Variants in ALPK2 observed in about 807,000 individuals in gnomAD.
The protein encoded by ALPK2 is alpha-protein kinase 2.
ALPK2 carries 127 observed loss-of-function variants against 163.1 expected under a neutral mutation model. The observed-to-expected ratio is 0.78, with a 90% CI of 0.67 to 0.90. ALPK2 has a LOEUF of 0.90. Among genes scored for constraint, ALPK2 ranks in the 40% least tolerant of loss-of-function variants. The probability of loss-of-function intolerance (pLI) is 0.00; values close to 1 mark genes in which losing one functional copy is unlikely to be tolerated. For synonymous variants in ALPK2, 953 were observed against 959.1 expected (o/e 0.99, Z 0.12); for missense variants, 2,360 against 2,589.6 (o/e 0.91, Z 1.92).
chr18:58,504,835 T>C (rs7240913), intron 10 of ALPK2, among the ~76,000 whole-genome samples: 76,573 of 151,692 alleles, frequency 0.5, 20,299 homozygotes, highest in East Asian at 0.74. Context: ...AGCATTTGAG[T>C]AGAGGCCTAT....
rs2051652225 is a variant in ALPK2 at position 58,536,889 on chromosome 18, G to C, written c.3298C>G (p.Pro1100Ala). Residue 1100 changes from proline (P) to alanine (A), a missense_variant, in exon 5 of 13, where the codon CCT becomes GCT. Pro to Ala is a conservative substitution (Grantham distance 27). Transcript: ENST00000361673. ...CCAGACAGGTTATCAACCTGAAGAG[G>C]GGAATTACTGCAGAAACCCTCTCCC... is the stretch of plus-strand genomic sequence containing the variant. Reference protein sequence around the residue: ...PEGEGFCSNSPLQVDNLSGDK... With the variant: ...PEGEGFCSNSALQVDNLSGDK... 6.2e-7 allele frequency: 1 copy of C among 1,614,042 alleles called. No individual in the cohort carries two copies. Among genetic ancestry groups the C allele is most frequent in the African/African-American group, 1.3e-5 (1 of 74,908 alleles).
At chr18:58,546,935 G>A (rs935220706) in intron 4 of ALPK2, among the ~76,000 whole-genome samples, 3 of 144,928 alleles carry the variant, frequency 2.1e-5, no homozygotes, top group Admixed American at 6.9e-5. Context: ...TTTTGGTTTT[G>A]TTTTGTCTTT....
Position 58,536,964 on chromosome 18 carries a change from T to C in ALPK2, c.3223A>G (p.Arg1075Gly). The C allele has an allele frequency of 6.2e-7, 1 of 1,614,212 alleles. No homozygotes were observed. Among genetic ancestry groups the C allele is most frequent in the South Asian group, 1.1e-5 (1 of 91,086 alleles). Residue 1075 changes from arginine (R) to glycine (G), a missense_variant, in exon 5 of 13, where the codon AGG (arginine) becomes GGG (glycine). Coordinates refer to ENST00000361673, the MANE Select transcript of ALPK2 (RefSeq NM_052947.4). ...TIKSTKELLC[R>G]APSVPGVPHH... is the part of the protein sequence containing the mutation. ...GGGACTCCTGGCACACTGGGTGCCC[T>C]GCAAAGTAGCTCTTTTGTAGATTTG... is the stretch of plus-strand genomic sequence containing the variant.
chr18:58,575,213 A>AC (rs1415174864), intron 4 of ALPK2, among the ~76,000 whole-genome samples: 2 of 148,178 alleles, frequency 1.3e-5, no homozygotes, highest in Non-Finnish European at 3.0e-5. Context: ...TTTCAAAAAA[A>AC]AAAAAAGAAG....
chr18:58,600,027 CTTTTTTTTT>C (rs1166291584), intron 3 of ALPK2, among the ~76,000 whole-genome samples: 2 of 66,848 alleles, frequency 3.0e-5, no homozygotes, highest in African/African-American at 6.3e-5. Context: ...ATGGGGATAT[CTTTTTTTTT>C]TTTTTTTTTT....
chr18:58,492,268 G>A (rs917105342), intron 12 of ALPK2, among the ~76,000 whole-genome samples: 4 of 151,648 alleles, frequency 2.6e-5, no homozygotes, highest in Admixed American at 1.3e-4. Context: ...ACAAAGACAC[G>A]CACACAGACA....
chr18:58,622,076 G>A (rs1488853189), intron 1 of ALPK2, among the ~76,000 whole-genome samples: 1 of 151,346 alleles, frequency 6.6e-6, no homozygotes, highest in Non-Finnish European at 1.5e-5. Context: ...GCCGGGCATA[G>A]TGGCTCACTC....
In ALPK2 at chr18:58,614,080, G is replaced by A. The variant is rs1042419855; in HGVS notation, c.-20-2263C>T. The stretch of plus-strand genomic sequence containing the variant: ...CACTGCCTTCCCTTCCTCAGGGAGA[G>A]TGTGTGCAGGAAGCAACTTTGTGCT... On this transcript the variant is annotated intron_variant, in intron 1 of 12. Transcript: ENST00000361673. 2.0e-5 allele frequency among the ~76,000 whole-genome samples: 3 copies of A among 152,208 alleles called. No individual in the cohort carries two copies. The South Asian group carries it at 6.2e-4, about 32-fold the overall frequency.
chr18:58,568,985 A>G (rs919097475), intron 4 of ALPK2, among the ~76,000 whole-genome samples: 4 of 152,170 alleles, frequency 2.6e-5, no homozygotes, highest in African/African-American at 9.7e-5. Context: ...AGGCCAAGGC[A>G]AGAGAATCAC....
intron 4 of ALPK2, among the ~76,000 whole-genome samples, chr18:58,554,700 G>A (rs1343083142): frequency 6.6e-6 from 1 of 152,218 alleles, no homozygotes; most frequent in Non-Finnish European, 1.5e-5. Context: ...CAGGTCTGGA[G>A]ATTCAAAGGA....
intron 8 of ALPK2, among the ~76,000 whole-genome samples, chr18:58,519,705 A>G (rs2051539681): frequency 6.6e-6 from 1 of 152,216 alleles, no homozygotes; most frequent in Non-Finnish European, 1.5e-5. Flanking sequence ...AATCCTGCAG[A>G]GCAAGAGCTG....
At chr18:58,626,120 C>T (rs1047981116) in intron 1 of ALPK2, among the ~76,000 whole-genome samples, 2 of 152,196 alleles carry the variant, frequency 1.3e-5, no homozygotes, top group East Asian at 3.9e-4. Context: ...TGTCTGTAAC[C>T]GAAGCGAAGA....
chr18:58,521,627 C>CTTTTTT lies in ALPK2; in HGVS notation c.5665+2173_5665+2178dup, dbSNP rs398033036. Among the ~76,000 whole-genome samples, 60 of 55,386 alleles carry CTTTTTT rather than the reference C, an allele frequency of 1.1e-3. 3 individuals carry two copies. Among genetic ancestry groups the CTTTTTT allele is most frequent in the African/African-American group, 3.0e-3 (47 of 15,830 alleles). 36.3% of individuals were successfully genotyped at this position (55,386 alleles called of 152,430 possible). ...TTTCTTTTTCTTTCTTTCTCTCTCTCTTTTTTTTTTTTTTTTTTTGAGATG... is the reference window on the plus strand; with the variant it reads ...TTTCTTTTTCTTTCTTTCTCTCTCTCTTTTTTTTTTTTTTTTTTTTTTTTTGAGATG... On this transcript the variant is annotated intron_variant, in intron 8 of 12. Coordinates refer to ENST00000361673, the MANE Select transcript of ALPK2 (RefSeq NM_052947.4).
chr18:58,482,236 A>C (rs971704793), intron 12 of ALPK2, among the ~76,000 whole-genome samples, 197 bp from the exon 13 acceptor site: 12 of 152,230 alleles, frequency 7.9e-5, no homozygotes, highest in Non-Finnish European at 1.6e-4. Context: ...GTAAAGGCAA[A>C]GATCTGCTGG....
intron 6 of ALPK2, among the ~76,000 whole-genome samples, chr18:58,524,502 G>A (rs1231422577): frequency 1.3e-5 from 2 of 152,206 alleles, no homozygotes; most frequent in African/African-American, 4.8e-5. Flanking sequence ...TCGTGACTGA[G>A]GGCCCCTTTG....
At chr18:58,543,661 T>C (rs2051702840) in intron 4 of ALPK2, among the ~76,000 whole-genome samples, 1 of 152,194 alleles carries the variant, frequency 6.6e-6, no homozygotes, top group Admixed American at 6.5e-5. Flanking sequence ...GAAAGCGTAA[T>C]ACTGTGCTTA....
At chr18:58,591,652 G>T (rs4940729) in intron 3 of ALPK2, among the ~76,000 whole-genome samples, 1 of 151,938 alleles carries the variant, frequency 6.6e-6, no homozygotes, top group Admixed American at 6.6e-5. Context: ...TGGTGGAGGG[G>T]TGATCATTCT....
At chr18:58,611,924 C>T in intron 1 of ALPK2, 107 bp from the exon 2 acceptor site, 1 of 669,238 alleles carries the variant, frequency 1.5e-6, no homozygotes, top group Non-Finnish European at 2.4e-6. Context: ...TCACTGCACG[C>T]TGGAGGGTGG....
At chr18:58,626,798 T>C (rs2052232829) in intron 1 of ALPK2, among the ~76,000 whole-genome samples, 1 of 136,880 alleles carries the variant, frequency 7.3e-6, no homozygotes, top group South Asian at 2.4e-4. Context: ...TCTAATTGTG[T>C]TATGTTGTAT....
Sources: gnomAD v4.1 joint callset for allele counts (sites outside exome capture counted in the v4.1 genomes callset) on GRCh38, gnomAD v4.1.1 for gene constraint, MANE v1.5 for transcripts, NCBI Gene and HGNC (gene_info 2026-07-23, HGNC 2026-07-21) for gene names.